The following TRDN variants were observed in gnomAD, a reference collection of about 807,000 sequenced individuals.
TRDN encodes triadin in skeletal muscle.
Under a neutral mutation model 149.7 loss-of-function variants are expected in TRDN, and 161 were observed. The ratio of observed to expected loss-of-function variants is 1.08; its 90% CI spans 0.95 to 1.23. The LOEUF (loss-of-function observed/expected upper bound fraction) is 1.23. Ranked by LOEUF, TRDN falls within the 50% of genes most tolerant of loss-of-function variation. The probability of loss-of-function intolerance (pLI) is 0.00; values close to 1 mark genes in which losing one functional copy is unlikely to be tolerated. For missense variants in TRDN, 896 were observed against 823.5 expected, an observed-to-expected ratio of 1.09 and a Z score of -1.08; for synonymous variants, 294 against 250.5, an observed-to-expected ratio of 1.17 and a Z score of -1.64.
At chr6:123,535,789 G>T (rs576232913) in intron 4 of TRDN, among the ~76,000 whole-genome samples, 2 of 152,064 alleles carry the variant, frequency 1.3e-5, no homozygotes, top group South Asian at 2.1e-4. Context: ...GATCTGTAAA[G>T]AATTATTTTA....
rs185455722 is a variant in TRDN at position 123,478,476 on chromosome 6, T to C, written c.854-13493A>G. On this transcript the variant is annotated intron_variant, in intron 9 of 40. Coordinates refer to ENST00000334268, the MANE Select transcript of TRDN (RefSeq NM_006073.4). Reference sequence around the variant, plus strand: ...TAATTTCTTTTAGTTATCTGAACAATATTTCTATCAACTCCACAGAAAATC... The same window carrying C: ...TAATTTCTTTTAGTTATCTGAACAACATTTCTATCAACTCCACAGAAAATC... 8.1e-3 allele frequency among the ~76,000 whole-genome samples: 1,232 copies of C among 152,292 alleles called. 8 individuals carry two copies. Among genetic ancestry groups the C allele is most frequent in the Admixed American group, 0.016 (239 of 15,284 alleles).
At chr6:123,478,957 T>A (rs1455420563) in intron 9 of TRDN, among the ~76,000 whole-genome samples, 6 of 152,156 alleles carry the variant, frequency 3.9e-5, no homozygotes, top group Admixed American at 3.3e-4. Flanking sequence ...AAATCTTCAG[T>A]AGACAATAAA....
At chr6:123,221,586 T>C in intron 39 of TRDN, 64 bp from the exon 40 acceptor site, 1 of 1,107,516 alleles carries the variant, frequency 9.0e-7, no homozygotes, top group East Asian at 2.7e-5. Flanking sequence ...TAAATATATA[T>C]GGGACTGAGA....
chr6:123,266,101 T>C lies in TRDN; in HGVS notation c.1784-763A>G, dbSNP rs999956531. On this transcript the variant is annotated intron_variant, in intron 32 of 40. Transcript: ENST00000334268. ...GTGTTTATATATATTATATATATTA[T>C]ATATCATATGTATTATATATTATAT... Among the ~76,000 whole-genome samples, 9 of 128,998 alleles carry C rather than the reference T, an allele frequency of 7.0e-5. No individual in the cohort carries two copies. The East Asian group carries it at 2.2e-3, about 32-fold the overall frequency. The allele number at this position is 128,998 out of a possible 152,430, so 84.6% of individuals were successfully genotyped here. A position where few individuals can be genotyped will look rare whatever the true frequency, so the allele number is the denominator to read the frequency against.
In TRDN at chr6:123,394,435, C is replaced by T. The variant is rs762913348; in HGVS notation, c.1052-758G>A. On this transcript the variant is annotated intron_variant, in intron 12 of 40. Coordinates refer to ENST00000334268, the MANE Select transcript of TRDN (RefSeq NM_006073.4). ...TTAGTATGGTTTCTGATTGTCTTTA[C>T]TGTTTTCAATTATTGAATTATTATT... 2.8e-4 allele frequency among the ~76,000 whole-genome samples: 43 copies of T among 152,010 alleles called. 1 individual carries two copies. The highest frequency in any genetic ancestry group is 9.8e-4 in the Admixed American group (15 of 15,242).
intron 24 of TRDN, among the ~76,000 whole-genome samples, chr6:123,296,323 G>A (rs944674523): frequency 3.9e-5 from 6 of 152,236 alleles, no homozygotes; most frequent in Admixed American, 2.6e-4. Flanking sequence ...AGAACCATCC[G>A]ACAGGCATTT....
chr6:123,469,863 C>A (rs913429055), intron 9 of TRDN: 2 of 152,276 alleles, frequency 1.3e-5, no homozygotes, highest in Non-Finnish European at 2.9e-5. Context: ...AAAACAAAAA[C>A]GTTCTCAGCA....
intron 16 of TRDN, 134 bp from the exon 17 acceptor site, chr6:123,378,032 A>T: frequency 1.7e-6 from 1 of 577,698 alleles, no homozygotes; most frequent in Non-Finnish European, 2.9e-6. Context: ...TGGCTTACAT[A>T]AAAAGGCTAA....
chr6:123,481,177 T>G (rs1351060520), intron 9 of TRDN, among the ~76,000 whole-genome samples: 1 of 152,144 alleles, frequency 6.6e-6, no homozygotes, highest in East Asian at 1.9e-4. Flanking sequence ...TCAACAATTT[T>G]GGTGATAAAC....
At chr6:123,540,214 AC>A (rs1484468551) in intron 4 of TRDN, among the ~76,000 whole-genome samples, 1 of 152,170 alleles carries the variant, frequency 6.6e-6, no homozygotes, top group African/African-American at 2.4e-5. Flanking sequence ...GGGATATGCT[AC>A]TAAATCCAGA....
In TRDN at chr6:123,327,096, G is replaced by C. The variant is rs375656883; in HGVS notation, c.1471+4783C>G. ...TTCTTTTTGCGCAAATATGAGAGCG[G>C]AATTTAAATTTTTTCCTACATGAGA... On this transcript the variant is annotated intron_variant, in intron 23 of 40. Transcript: ENST00000334268. 9.2e-5 allele frequency among the ~76,000 whole-genome samples: 14 copies of C among 152,042 alleles called. No individual in the cohort carries two copies. In the East Asian group the frequency reaches 2.5e-3, roughly 27 times the overall value.
intron 24 of TRDN, among the ~76,000 whole-genome samples, chr6:123,280,652 C>CTTTTTTTTTTTTTTTTTTT (rs34195939): frequency 7.4e-6 from 1 of 135,536 alleles, no homozygotes; most frequent in Non-Finnish European, 1.6e-5. Flanking sequence ...TCTTTTCTTT[C>CTTTTTTTTTTTTTTTTTTT]TTTTTTTTTT....
At chr6:123,385,342 G>A (rs1364105101) in intron 14 of TRDN, among the ~76,000 whole-genome samples, 5 of 151,516 alleles carry the variant, frequency 3.3e-5, no homozygotes, top group African/African-American at 1.2e-4. Flanking sequence ...GCAGGAGAGT[G>A]GCATGAACCC....
At chr6:123,325,444 T>G (rs79266007) in intron 23 of TRDN, among the ~76,000 whole-genome samples, 8,951 of 152,194 alleles carry the variant, frequency 0.059, 883 homozygotes, top group African/African-American at 0.2. Flanking sequence ...TGAAAATATT[T>G]TACTGAAAGT....
intron 3 of TRDN, 75 bp from the exon 4 acceptor site, chr6:123,547,447 C>G (rs1397019076): frequency 1.2e-6 from 1 of 860,372 alleles, no homozygotes; most frequent in Non-Finnish European, 1.7e-6. Flanking sequence ...TTATTTTCCC[C>G]TTTTGTTTAT....
chr6:123,559,070 C>T (rs1191868985), intron 2 of TRDN, among the ~76,000 whole-genome samples: 1 of 152,248 alleles, frequency 6.6e-6, no homozygotes, highest in Non-Finnish European at 1.5e-5. Flanking sequence ...CTCTGACTGA[C>T]TCCTTCCCAG....
At chr6:123,516,938 C>T (rs1443643736) in intron 5 of TRDN, among the ~76,000 whole-genome samples, 1 of 152,056 alleles carries the variant, frequency 6.6e-6, no homozygotes, top group Non-Finnish European at 1.5e-5. Context: ...TCCTCTTCCT[C>T]ATTTTCTTTT....
chr6:123,369,373 C>T (rs1264011850), intron 19 of TRDN, among the ~76,000 whole-genome samples: 1 of 152,106 alleles, frequency 6.6e-6, no homozygotes, highest in Admixed American at 6.6e-5. Flanking sequence ...AGAGCTTCAA[C>T]ATATCTTTTG....
At chr6:123,364,082 T>A (rs1780997992) in intron 20 of TRDN, among the ~76,000 whole-genome samples, 1 of 152,230 alleles carries the variant, frequency 6.6e-6, no homozygotes, top group African/African-American at 2.4e-5. Flanking sequence ...GTTCTGTCCA[T>A]AAATCCTTCC....
Sources: gnomAD v4.1 joint callset for allele counts (sites outside exome capture counted in the v4.1 genomes callset) on GRCh38, gnomAD v4.1.1 for gene constraint, MANE v1.5 for transcripts, NCBI Gene and HGNC (gene_info 2026-07-23, HGNC 2026-07-21) for gene names.